KCTD19: variants seen among roughly 807,000 people sequenced by gnomAD.
KCTD19 encodes the protein potassium channel tetramerization domain containing 19, also known as BTB/POZ domain-containing protein KCTD19.
Under a neutral mutation model 103.5 loss-of-function variants are expected in KCTD19, and 67 were observed. The ratio of observed to expected loss-of-function variants is 0.65; its 90% CI spans 0.53 to 0.79. KCTD19 has a LOEUF of 0.79. Ranked by LOEUF, KCTD19 falls within the 30% of genes least tolerant of loss-of-function variation. KCTD19 has a pLI of 0.00. For missense variants in KCTD19, 980 were observed against 1,136.1 expected, an observed-to-expected ratio of 0.86 and a Z score of 1.98; for synonymous variants, 439 against 452.2, an observed-to-expected ratio of 0.97 and a Z score of 0.37.
rs1472678469 is a variant in KCTD19, at chr16:67,291,711, A to G, written c.2345T>C (p.Ile782Thr). The G allele has an allele frequency of 2.4e-5, 38 of 1,613,914 alleles. No individual in the cohort carries two copies. Among genetic ancestry groups the G allele is most frequent in the Non-Finnish European group, 3.1e-5 (37 of 1,180,004 alleles). The change falls in exon 13 of 16, where the codon ATC becomes ACC. Residue 782 changes from isoleucine to threonine, a missense_variant. Ile to Thr is a moderately conservative substitution (Grantham distance 89, BLOSUM62 -1). Transcript: ENST00000304372. ...DGFCMFFEDS[I>T]IYTTEMDNLR... ...GTTGTCCATCTCCGTGGTATAGATGATGCTGTCCTCAAAGAACATGCAGAA... is the reference window on the plus strand; with the variant it reads ...GTTGTCCATCTCCGTGGTATAGATGGTGCTGTCCTCAAAGAACATGCAGAA...
chr16:67,291,854 G>A lies in KCTD19; in HGVS notation c.2219-17C>T. 1.3e-6 allele frequency: 2 copies of A among 1,549,830 alleles called. No homozygotes were observed. The highest frequency in any genetic ancestry group is 1.7e-6 in the Non-Finnish European group (2 of 1,148,536). ...CAGGGCTTTCTGTGAAAACAACATA[G>A]GGAGGGGGCTCTCCTTTTAAAAAAA... On this transcript the variant is annotated splice_polypyrimidine_tract_variant and intron_variant, in intron 12 of 15. Transcript: ENST00000304372.
intron 2 of KCTD19, among the ~76,000 whole-genome samples, chr16:67,312,321 A>G (rs911382159): frequency 6.6e-6 from 1 of 152,358 alleles, no homozygotes; most frequent in Non-Finnish European, 1.5e-5. Flanking sequence ...ATGGATGTGA[A>G]GGGCTCAGAT....
intron 6 of KCTD19, among the ~76,000 whole-genome samples, chr16:67,298,789 T>G (rs943618742): frequency 1.3e-5 from 2 of 152,272 alleles, no homozygotes; most frequent in Admixed American, 6.5e-5. Context: ...AGAGTTGCTC[T>G]GCTGTTCTGC....
chr16:67,319,425 T>C (rs2037048095), intron 2 of KCTD19, among the ~76,000 whole-genome samples: 1 of 152,148 alleles, frequency 6.6e-6, no homozygotes, highest in African/African-American at 2.4e-5. Context: ...TGAGCTACAC[T>C]GCAGCTTGTT....
rs2036855026 is a variant in KCTD19 at position 67,303,157 on chromosome 16, A to AACTCGCTGC, written c.623_631dup (p.Cys208_Glu210dup). ...GACAGAGCAATCACCAATGAAGCGG[A>AACTCGCTGC]ACTCGCTGCACTCGCACTCGATGAG... On this transcript the variant is annotated inframe_insertion, in exon 4 of 16. Transcript: ENST00000304372. This position sits in a 1 kb window ranked among gnomAD's most constrained non-coding sequence, Gnocchi z 4.3. The AACTCGCTGC allele has an allele frequency of 7.4e-7, 1 of 1,350,682 alleles. No individual in the cohort carries two copies. The highest frequency in any genetic ancestry group is 2.0e-5 in the Admixed American group (1 of 50,830). 83.7% of individuals were successfully genotyped at this position (1,350,682 alleles called of 1,614,324 possible). A position where few individuals can be genotyped will look rare whatever the true frequency, so the allele number is the denominator to read the frequency against.
intron 5 of KCTD19, chr16:67,299,865 C>G: frequency 2.2e-6 from 1 of 457,500 alleles, no homozygotes; most frequent in Non-Finnish European, 3.9e-6. Flanking sequence ...CCATCTGGCC[C>G]TAGCCTCTGC....
chr16:67,306,994 A>G (rs1181713944), intron 2 of KCTD19, among the ~76,000 whole-genome samples: 3 of 152,218 alleles, frequency 2.0e-5, no homozygotes, highest in African/African-American at 7.2e-5. Context: ...TGGAGATACT[A>G]GGAATGAAAC....
intron 11 of KCTD19, 103 bp downstream of exon 11, chr16:67,294,476 TC>T (rs1216007814): frequency 8.7e-6 from 7 of 808,144 alleles, no homozygotes; most frequent in Admixed American, 8.6e-5. Context: ...CTCTGCTCTT[TC>T]ATTTTGCTGC....
At chr16:67,301,699 C>T (rs1028800979) in intron 5 of KCTD19, 92 bp downstream of exon 5, 18 of 1,237,314 alleles carry the variant, frequency 1.5e-5, no homozygotes, top group African/African-American at 3.0e-5. Flanking sequence ...ACCCCCAAAG[C>T]CCGAAGTGAT....
chr16:67,299,435 A>AGCTGGCCCAGCGCAGAGTC lies in KCTD19; in HGVS notation c.895_913dup (p.Leu305ArgfsTer50). On this transcript the variant is annotated frameshift_variant, in exon 6 of 16. Coordinates refer to ENST00000304372, the MANE Select transcript of KCTD19 (RefSeq NM_001100915.3). LOFTEE classifies it high-confidence loss of function. ...TCCGTCTAGCGTGCTCTCGATGCGAAGCTGGCCCAGCGCAGAGTCCGGGTA... is the reference window on the plus strand; with the variant it reads ...TCCGTCTAGCGTGCTCTCGATGCGAAGCTGGCCCAGCGCAGAGTCGCTGGCCCAGCGCAGAGTCCGGGTA... The AGCTGGCCCAGCGCAGAGTC allele has an allele frequency of 6.2e-7, 1 of 1,614,262 alleles. No individual in the cohort carries two copies. The highest frequency in any genetic ancestry group is 8.5e-7 in the Non-Finnish European group (1 of 1,180,050).
chr16:67,298,776 CAG>C (rs1161066489), intron 6 of KCTD19, among the ~76,000 whole-genome samples: 3 of 152,246 alleles, frequency 2.0e-5, no homozygotes, highest in South Asian at 2.1e-4. Flanking sequence ...TTGTGACCCT[CAG>C]AGAGTTGCTC....
At chr16:67,325,267 C>A (rs2037131311) in intron 1 of KCTD19, among the ~76,000 whole-genome samples, 1 of 144,920 alleles carries the variant, frequency 6.9e-6, no homozygotes, top group African/African-American at 2.7e-5. Context: ...TGCAGTGGCA[C>A]GATTTTGGCT....
chr16:67,291,213 G>A, intron 14 of KCTD19, 96 bp downstream of exon 14: 1 of 1,456,688 alleles, frequency 6.9e-7, no homozygotes, highest in Non-Finnish European at 9.3e-7. Context: ...CCCCATCTTG[G>A]CTTACTTCCT....
At position 67,303,113 on chromosome 16, in the gene KCTD19, C is replaced by CGGGGGGGGG; in HGVS notation, c.643+32_643+33insCCCCCCCCC. 1 of 442,702 alleles carries CGGGGGGGGG rather than the reference C, an allele frequency of 2.3e-6. No homozygotes were observed. Among genetic ancestry groups the CGGGGGGGGG allele is most frequent in the African/African-American group, 2.2e-5 (1 of 44,668 alleles). 27.4% of individuals were successfully genotyped at this position (442,702 alleles called of 1,614,324 possible). A position where few individuals can be genotyped will look rare whatever the true frequency, so the allele number is the denominator to read the frequency against. On this transcript the variant is annotated intron_variant, in intron 4 of 15. Transcript: ENST00000304372. The surrounding 1 kb of genome is among the most constrained non-coding windows in gnomAD (Gnocchi z 4.3). The stretch of plus-strand genomic sequence containing the variant: ...GAGGGGTGAATGGGCCCTATCAGCC[C>CGGGGGGGGG]GCCCCCCACCCCACCCCGGACAGAG...
intron 8 of KCTD19, 150 bp from the exon 9 acceptor site, chr16:67,295,555 G>A: frequency 1.4e-6 from 1 of 717,084 alleles, no homozygotes; most frequent in Non-Finnish European, 2.2e-6. Context: ...AGGAACCATG[G>A]TGGGGAGCAG....
At chr16:67,319,982 T>C (rs928756995) in intron 2 of KCTD19, among the ~76,000 whole-genome samples, 1 of 152,178 alleles carries the variant, frequency 6.6e-6, no homozygotes, top group Non-Finnish European at 1.5e-5. Flanking sequence ...AAGAAGTAGC[T>C]TAATATAGGA....
At chr16:67,295,077 T>C (rs2036749291) in intron 9 of KCTD19, 21 bp from the exon 10 acceptor site, 4 of 1,608,622 alleles carry the variant, frequency 2.5e-6, no homozygotes, top group Admixed American at 1.7e-5. Context: ...CAAGGAGATA[T>C]CCAGCTGGGC....
rs918808425 is a variant in KCTD19 at position 67,325,199 on chromosome 16, C to CTTTTTTTTTTTTTTTTTTTT, written c.3+1505_3+1506insAAAAAAAAAAAAAAAAAAAA. ...CTTTCTTTCTTTTTTTTCTTTTTTT[C>CTTTTTTTTTTTTTTTTTTTT]TTTTTTTCTTTTTTTTTTTTTTTGA... On this transcript the variant is annotated intron_variant, in intron 1 of 15. Transcript: ENST00000304372. Among the ~76,000 whole-genome samples, 8 of 132,332 alleles carry CTTTTTTTTTTTTTTTTTTTT rather than the reference C, an allele frequency of 6.0e-5. 1 individual carries two copies. The highest frequency in any genetic ancestry group is 2.3e-4 in the South Asian group (1 of 4,368). 86.8% of individuals were successfully genotyped at this position (132,332 alleles called of 152,430 possible).
intron 1 of KCTD19, chr16:67,326,488 C>T: frequency 1.8e-6 from 1 of 557,890 alleles, no homozygotes; most frequent in Non-Finnish European, 2.9e-6. Context: ...ACCGGAGTCC[C>T]CCACATCCTC....
Sources: allele counts gnomAD v4.1 joint callset (sites outside exome capture counted in the v4.1 genomes callset), GRCh38; gene constraint gnomAD v4.1.1; non-coding constraint Gnocchi (gnomAD v3.1); transcripts MANE v1.5; gene names NCBI Gene and HGNC (gene_info 2026-07-23, HGNC 2026-07-21).